Variants in FSD1L observed in about 807,000 individuals in gnomAD.
FSD1L encodes the protein FSD1-like protein.
In FSD1L, 45 loss-of-function variants were observed where a neutral mutation model predicts 71.6. That is an observed-to-expected ratio of 0.63 (90% CI 0.49 to 0.81). FSD1L has a LOEUF of 0.81. Among genes scored for constraint, FSD1L ranks in the 30% least tolerant of loss-of-function variants. The pLI is 0.00. For synonymous variants in FSD1L, 197 were observed against 207.2 expected, an observed-to-expected ratio of 0.95 and a Z score of 0.42; for missense variants, 561 against 618.1, an observed-to-expected ratio of 0.91 and a Z score of 0.98.
At chr9:105,500,463 G>T (rs1032710039) in intron 7 of FSD1L, among the ~76,000 whole-genome samples, 1 of 152,144 alleles carries the variant, frequency 6.6e-6, no homozygotes, top group African/African-American at 2.4e-5. Flanking sequence ...TGCCCACATG[G>T]AGTAGCTCAT....
At chr9:105,519,734 C>T (rs1351936978) in intron 10 of FSD1L, among the ~76,000 whole-genome samples, 1 of 152,174 alleles carries the variant, frequency 6.6e-6, no homozygotes, top group Non-Finnish European at 1.5e-5. Context: ...CTTTGAAAAC[C>T]AGCACAGAGG....
chr9:105,448,066 C>A lies in FSD1L; in HGVS notation c.-155C>A. ...CCTGGCAACCGCGGCGTGACTACGG[C>A]GCGCGCGGTCTGGGCGCGGACGGGT... On this transcript the variant is annotated 5_prime_UTR_variant, in exon 1 of 14. Transcript: ENST00000481272. The A allele has an allele frequency of 3.7e-6, 3 of 814,810 alleles. No individual in the cohort carries two copies. Among genetic ancestry groups the A allele is most frequent in the Non-Finnish European group, 6.0e-6 (3 of 500,978 alleles). 50.5% of individuals were successfully genotyped at this position (814,810 alleles called of 1,614,324 possible).
intron 10 of FSD1L, chr9:105,520,264 C>G (rs981943173): frequency 3.5e-5 from 56 of 1,591,014 alleles, no homozygotes; most frequent in Non-Finnish European, 4.8e-5. Flanking sequence ...GAAGAAGATG[C>G]ATTCATCCAG....
intron 10 of FSD1L, chr9:105,521,122 C>T: frequency 6.2e-7 from 1 of 1,613,694 alleles, no homozygotes; most frequent in African/African-American, 1.3e-5. Flanking sequence ...ACCAATGAAG[C>T]AATCTATTGT....
chr9:105,522,237 T>C (rs1835216675), intron 10 of FSD1L: 1 of 1,613,262 alleles, frequency 6.2e-7, no homozygotes, highest in East Asian at 2.2e-5. Flanking sequence ...GGCCACTGAG[T>C]GGTCACTGAC....
chr9:105,514,095 A>G (rs1415076013), intron 10 of FSD1L, among the ~76,000 whole-genome samples: 1 of 152,240 alleles, frequency 6.6e-6, no homozygotes, highest in Non-Finnish European at 1.5e-5. Context: ...TTATCAAGAC[A>G]GTTCCAGAAA....
chr9:105,538,148 T>C (rs1836382024), intron 12 of FSD1L, among the ~76,000 whole-genome samples: 1 of 152,176 alleles, frequency 6.6e-6, no homozygotes, highest in Non-Finnish European at 1.5e-5. Context: ...AGAGCTGACA[T>C]TAAATATTTG....
chr9:105,461,494 G>A, intron 1 of FSD1L, 26 bp from the exon 2 acceptor site: 1 of 1,258,908 alleles, frequency 7.9e-7, no homozygotes, highest in Middle Eastern at 1.9e-4. Context: ...GCTGCTATTG[G>A]CTCCTACTGT....
chr9:105,473,238 T>G (rs1283923006), intron 5 of FSD1L: 1 of 152,180 alleles, frequency 6.6e-6, no homozygotes, highest in Admixed American at 6.5e-5. Flanking sequence ...CCTAGGAAGT[T>G]GAGGCTGCAC....
In FSD1L at chr9:105,550,966, C is replaced by T. The variant is rs1837237553; in HGVS notation, c.*4483C>T. On this transcript the variant is annotated 3_prime_UTR_variant, in exon 14 of 14. Transcript: ENST00000481272. ...ATTTCACAGTATGTAGAGCAGAAGGCACGTGAATGTGTTTGCTTTGGCTTG... is the reference window on the plus strand; with the variant it reads ...ATTTCACAGTATGTAGAGCAGAAGGTACGTGAATGTGTTTGCTTTGGCTTG... The T allele has an allele frequency of 6.6e-6, 1 of 151,996 alleles. No individual in the cohort carries two copies. The highest frequency in any genetic ancestry group is 6.6e-5 in the Admixed American group (1 of 15,246). The allele number at this position is 151,996 out of a possible 1,614,324, so 9.4% of individuals were successfully genotyped here.
At chr9:105,535,347 A>G in intron 12 of FSD1L, 29 bp downstream of exon 12, 1 of 1,549,038 alleles carries the variant, frequency 6.5e-7, no homozygotes, top group African/African-American at 1.4e-5. Flanking sequence ...AGGTTATTTC[A>G]TCATAGTTGC....
rs1837279461 is a variant in FSD1L at position 105,551,904 on chromosome 9, C to A, written c.*5421C>A. On this transcript the variant is annotated 3_prime_UTR_variant, in exon 14 of 14. Coordinates refer to ENST00000481272, the MANE Select transcript of FSD1L (RefSeq NM_001145313.3). ...CTTTCCAAACAACCAAATGGCTGGGCAGCTTGTTGTCACGGATAAATGATA... is the reference window on the plus strand; with the variant it reads ...CTTTCCAAACAACCAAATGGCTGGGAAGCTTGTTGTCACGGATAAATGATA... 1 of 152,166 alleles carries A rather than the reference C, an allele frequency of 6.6e-6. No homozygotes were observed. Among genetic ancestry groups the A allele is most frequent in the Non-Finnish European group, 1.5e-5 (1 of 68,014 alleles). The allele number at this position is 152,166 out of a possible 1,614,324, so 9.4% of individuals were successfully genotyped here. A position where few individuals can be genotyped will look rare whatever the true frequency, so the allele number is the denominator to read the frequency against.
chr9:105,497,807 T>G (rs1833508182), intron 7 of FSD1L, among the ~76,000 whole-genome samples: 1 of 152,074 alleles, frequency 6.6e-6, no homozygotes, highest in Non-Finnish European at 1.5e-5. Context: ...TCCATTGATT[T>G]CCCTCTTTTC....
upstream of FSD1L, among the ~76,000 whole-genome samples, chr9:105,444,764 C>T (rs1444449103): frequency 6.6e-6 from 1 of 152,186 alleles, no homozygotes; most frequent in Non-Finnish European, 1.5e-5. Flanking sequence ...ATTTTTATGC[C>T]TCTGTAGTCC....
chr9:105,500,346 C>T lies in FSD1L; in HGVS notation c.587-6053C>T, dbSNP rs557319373. 1.2e-4 allele frequency among the ~76,000 whole-genome samples: 18 copies of T among 152,158 alleles called. No individual in the cohort carries two copies. In the South Asian group the frequency reaches 2.9e-3, roughly 25 times the overall value. ...TTTTGGTGAGCCTGTGCCTCTGGAC[C>T]GTGAACTTTGCAAGGGACTTCTCAG... On this transcript the variant is annotated intron_variant, in intron 7 of 13. Transcript: ENST00000481272.
chr9:105,483,197 A>G (rs766537600), intron 6 of FSD1L, among the ~76,000 whole-genome samples: 16 of 152,318 alleles, frequency 1.1e-4, no homozygotes, highest in Middle Eastern at 3.4e-3. Context: ...TCTTCTTGAT[A>G]AACACATCAA....
Position 105,547,884 on chromosome 9 carries a change from G to T in FSD1L, c.*1401G>T, listed in dbSNP as rs958964954. 2.0e-5 allele frequency: 3 copies of T among 151,784 alleles called. No homozygotes were observed. The highest frequency in any genetic ancestry group is 7.3e-5 in the African/African-American group (3 of 41,340). 9.4% of individuals were successfully genotyped at this position (151,784 alleles called of 1,614,324 possible). ...TTTTCATTCTCATTTAAAATATATT[G>T]TGCTATGATAACCAACCTTCTTCCA... is the stretch of plus-strand genomic sequence containing the variant. On this transcript the variant is annotated 3_prime_UTR_variant, in exon 14 of 14. Coordinates refer to ENST00000481272, the MANE Select transcript of FSD1L (RefSeq NM_001145313.3).
At chr9:105,466,016 C>G (rs1287174812) in intron 3 of FSD1L, among the ~76,000 whole-genome samples, 1 of 151,666 alleles carries the variant, frequency 6.6e-6, no homozygotes, top group African/African-American at 2.4e-5. Flanking sequence ...AAAGACTCTA[C>G]CAAAAAACTG....
At chr9:105,476,195 AT>A (rs1361374446) in intron 5 of FSD1L, among the ~76,000 whole-genome samples, 1 of 152,192 alleles carries the variant, frequency 6.6e-6, no homozygotes, top group African/African-American at 2.4e-5. Context: ...ATTGGCAGTT[AT>A]GAAGATTGGT....
Sources: gnomAD v4.1 joint callset for allele counts (sites outside exome capture counted in the v4.1 genomes callset) on GRCh38, gnomAD v4.1.1 for gene constraint, MANE v1.5 for transcripts, NCBI Gene and HGNC (gene_info 2026-07-23, HGNC 2026-07-21) for gene names.